The following NEMP2 variants were observed in gnomAD, a reference collection of about 807,000 sequenced individuals.
NEMP2 encodes nuclear envelope integral membrane protein 2.
In NEMP2, 53 loss-of-function variants were observed where a neutral mutation model predicts 54.2. The ratio of observed to expected loss-of-function variants is 0.98; its 90% confidence interval spans 0.78 to 1.23. The LOEUF (loss-of-function observed/expected upper bound fraction) is 1.23, where lower values mean the gene tolerates loss of function less well. Among genes scored for constraint, NEMP2 ranks in the 50% most tolerant of loss-of-function variants. The probability of loss-of-function intolerance (pLI) is 0.00; values close to 1 mark genes in which losing one functional copy is unlikely to be tolerated. For synonymous variants in NEMP2, 197 were observed against 190.3 expected (o/e 1.04, Z -0.29); for missense variants, 455 against 511.3 (o/e 0.89, Z 1.06).
At chr2:190,426,458 T>C in the NEMP2 span, among the ~76,000 whole-genome samples, 1 of 152,234 alleles carries the variant, frequency 6.6e-6, no homozygotes, top group African/African-American at 2.4e-5. The surrounding 1 kb of genome is among the most constrained non-coding windows in gnomAD (Gnocchi z 4.7). Context: ...TAATTGCCTA[T>C]CTAAGCATTT....
At chr2:190,478,835 T>TAA in the NEMP2 span, among the ~76,000 whole-genome samples, 166 of 149,498 alleles carry the variant, frequency 1.1e-3, 2 homozygotes, top group Admixed American at 2.8e-3. Flanking sequence ...GGGTCTTCCT[T>TAA]AAAAAAAAAA....
chr2:190,629,077 A>G, the NEMP2 span, among the ~76,000 whole-genome samples: 1 of 152,202 alleles, frequency 6.6e-6, no homozygotes, highest in Non-Finnish European at 1.5e-5. Context: ...GCAGAGCGTC[A>G]GTCCTAGCTG....
At chr2:190,587,431 T>C in the NEMP2 span, among the ~76,000 whole-genome samples, 2 of 152,154 alleles carry the variant, frequency 1.3e-5, no homozygotes, top group Non-Finnish European at 2.9e-5. The surrounding 1 kb of genome is among the most constrained non-coding windows in gnomAD (Gnocchi z 5.4). Flanking sequence ...GCTATTGCTA[T>C]TGATGTGAGT....
Position 190,529,663 on chromosome 2 carries a change from T to C in NEMP2, c.98-4285A>G, listed in dbSNP as rs564549120. Among the ~76,000 whole-genome samples, 3 of 152,352 alleles carry C rather than the reference T, an allele frequency of 2.0e-5. No homozygotes were observed. The highest frequency in any genetic ancestry group is 4.1e-4 in the South Asian group (2 of 4,830). ...GTAACCCCCAGAACTTAAATATTTA[T>C]CTTTTGTGTGTAGCTTGTGGTTCAA... On this transcript the variant is annotated intron_variant, in intron 1 of 8. Coordinates refer to ENST00000409150, the MANE Select transcript of NEMP2 (RefSeq NM_001142645.2). The surrounding 1 kb of genome is among the most constrained non-coding windows in gnomAD (Gnocchi z 4.7).
At position 190,521,417 on chromosome 2, in the gene NEMP2, C is replaced by T. The variant is rs1305078192; in HGVS notation, c.214-2234G>A. Among the ~76,000 whole-genome samples the T allele has an allele frequency of 1.3e-5, 2 of 152,164 alleles. No homozygotes were observed. Among genetic ancestry groups the T allele is most frequent in the Non-Finnish European group, 1.5e-5 (1 of 68,028 alleles). ...ATAAAGGTAAGTCCCGACTTGGGCA[C>T]GGGATCCTATCCACGTTTGCCTACT... On this transcript the variant is annotated intron_variant, in intron 2 of 8. Coordinates refer to ENST00000409150, the MANE Select transcript of NEMP2 (RefSeq NM_001142645.2). This position sits in a 1 kb window ranked among gnomAD's most constrained non-coding sequence, Gnocchi z 6.2.
chr2:190,520,861 C>T lies in NEMP2; in HGVS notation c.214-1678G>A, dbSNP rs1262994220. Among the ~76,000 whole-genome samples the T allele has an allele frequency of 6.6e-6, 1 of 152,160 alleles. No individual in the cohort carries two copies. Among genetic ancestry groups the T allele is most frequent in the Non-Finnish European group, 1.5e-5 (1 of 68,026 alleles). ...GCCCCAATCCCACCAAGGATCTGAA[C>T]ATCCTTCTCCTGCTCCTTACCCTCC... On this transcript the variant is annotated intron_variant, in intron 2 of 8. Coordinates refer to ENST00000409150, the MANE Select transcript of NEMP2 (RefSeq NM_001142645.2). The surrounding 1 kb of genome is among the most constrained non-coding windows in gnomAD (Gnocchi z 5.4).
the NEMP2 span, among the ~76,000 whole-genome samples, chr2:190,562,100 AC>A: frequency 2.6e-5 from 4 of 152,332 alleles, no homozygotes; most frequent in South Asian, 8.3e-4. This position sits in a 1 kb window ranked among gnomAD's most constrained non-coding sequence, Gnocchi z 5.0. Flanking sequence ...ATTTAGGATG[AC>A]CTGGATGACT....
In NEMP2 at chr2:190,522,077, TAGAG is replaced by T. The variant is rs1466574311; in HGVS notation, c.214-2898_214-2895del. 6.6e-6 allele frequency among the ~76,000 whole-genome samples: 1 copy of T among 152,168 alleles called. No individual in the cohort carries two copies. Among genetic ancestry groups the T allele is most frequent in the Non-Finnish European group, 1.5e-5 (1 of 68,020 alleles). On this transcript the variant is annotated intron_variant, in intron 2 of 8. Coordinates refer to ENST00000409150, the MANE Select transcript of NEMP2 (RefSeq NM_001142645.2). This position sits in a 1 kb window ranked among gnomAD's most constrained non-coding sequence, Gnocchi z 5.0. ...TCTACAAGGGTTGGATAGGAATTAA[TAGAG>T]GGAGGAGGGAAAGTGACACTTATCT...
At chr2:190,475,255 G>C in the NEMP2 span, among the ~76,000 whole-genome samples, 2 of 152,144 alleles carry the variant, frequency 1.3e-5, no homozygotes, top group African/African-American at 4.8e-5. Flanking sequence ...TATTCAATTA[G>C]GAAAAGAGGA....
At chr2:190,475,561 A>G in the NEMP2 span, among the ~76,000 whole-genome samples, 2 of 152,246 alleles carry the variant, frequency 1.3e-5, no homozygotes, top group South Asian at 4.1e-4. Flanking sequence ...GAAATAAAAG[A>G]GGATACAAAC....
the NEMP2 span, among the ~76,000 whole-genome samples, chr2:190,622,787 C>T: frequency 6.6e-6 from 1 of 151,818 alleles, no homozygotes; most frequent in African/African-American, 2.4e-5. Context: ...AATTAAAAAA[C>T]AATTTAAATG....
chr2:190,582,731 G>C, the NEMP2 span, among the ~76,000 whole-genome samples: 1 of 152,214 alleles, frequency 6.6e-6, no homozygotes. The surrounding 1 kb of genome is among the most constrained non-coding windows in gnomAD (Gnocchi z 4.6). Context: ...TTTCTTAAAA[G>C]AGTGCTCTGT....
chr2:190,534,138 G>T, intron 1 of NEMP2: 1 of 994,440 alleles, frequency 1.0e-6, no homozygotes, highest in Non-Finnish European at 1.2e-6. Flanking sequence ...AAAGGAATGC[G>T]AGATAGTGAA....
chr2:190,432,265 C>G, the NEMP2 span, among the ~76,000 whole-genome samples: 3 of 152,172 alleles, frequency 2.0e-5, no homozygotes, highest in East Asian at 5.8e-4. Flanking sequence ...GTCTTGCCAG[C>G]CTCTGGGAAC....
At chr2:190,453,257 C>A in the NEMP2 span, among the ~76,000 whole-genome samples, 2,838 of 151,910 alleles carry the variant, frequency 0.019, 38 homozygotes, top group Non-Finnish European at 0.029. Context: ...GTGCCACTCA[C>A]CAAGGAGAAG....
At chr2:190,628,582 G>C in the NEMP2 span, 1 of 152,284 alleles carries the variant, frequency 6.6e-6, no homozygotes, top group East Asian at 1.9e-4. The surrounding 1 kb of genome is among the most constrained non-coding windows in gnomAD (Gnocchi z 4.1). Flanking sequence ...AATCTCTCTG[G>C]GGAGTTCGGA....
At chr2:190,549,641 A>C in the NEMP2 span, among the ~76,000 whole-genome samples, 1 of 151,896 alleles carries the variant, frequency 6.6e-6, no homozygotes, top group African/African-American at 2.4e-5. Flanking sequence ...TTTTTTCCTG[A>C]AGCTCAAATT....
rs1476104107 is a variant in NEMP2 at position 190,529,944 on chromosome 2, T to C, written c.98-4566A>G. On this transcript the variant is annotated intron_variant, in intron 1 of 8. Coordinates refer to ENST00000409150, the MANE Select transcript of NEMP2 (RefSeq NM_001142645.2). This position sits in a 1 kb window ranked among gnomAD's most constrained non-coding sequence, Gnocchi z 4.7. Reference sequence around the variant, plus strand: ...CTTGCCCTACCCCATGGCCAATACATCCATAGCTAGAGGGTTGAGTACTGT... The same window carrying C: ...CTTGCCCTACCCCATGGCCAATACACCCATAGCTAGAGGGTTGAGTACTGT... Among the ~76,000 whole-genome samples, 3 of 152,152 alleles carry C rather than the reference T, an allele frequency of 2.0e-5. No individual in the cohort carries two copies. Among genetic ancestry groups the C allele is most frequent in the Non-Finnish European group, 2.9e-5 (2 of 68,028 alleles).
At chr2:190,433,532 G>A in the NEMP2 span, 1 of 152,190 alleles carries the variant, frequency 6.6e-6, no homozygotes, top group Non-Finnish European at 1.5e-5. This position sits in a 1 kb window ranked among gnomAD's most constrained non-coding sequence, Gnocchi z 4.5. Flanking sequence ...AATAGAGGTG[G>A]TGGCCATATA....
Sources: gnomAD v4.1 joint callset for allele counts (sites outside exome capture counted in the v4.1 genomes callset) on GRCh38, gnomAD v4.1.1 for gene constraint, Gnocchi (gnomAD v3.1) non-coding constraint, MANE v1.5 for transcripts, NCBI Gene and HGNC (gene_info 2026-07-23, HGNC 2026-07-21) for gene names.